Variants in PAICS observed in about 807,000 individuals in gnomAD.
The protein encoded by PAICS is phosphoribosylaminoimidazole carboxylase and phosphoribosylaminoimidazolesuccinocarboxamide synthase, also known as bifunctional phosphoribosylaminoimidazole carboxylase/phosphoribosylaminoimidazole succinocarboxamide synthetase.
A neutral mutation model predicts 53.7 loss-of-function variants in PAICS; 33 were observed. The ratio of observed to expected loss-of-function variants is 0.61; its 90% confidence interval spans 0.47 to 0.82. The LOEUF (loss-of-function observed/expected upper bound fraction) is 0.82, where lower values mean the gene tolerates loss of function less well. Among genes scored for constraint, PAICS ranks in the 40% least tolerant of loss-of-function variants. The pLI is 0.00. For synonymous variants in PAICS, 141 were observed against 167.2 expected (o/e 0.84, Z 1.21); for missense variants, 394 against 494.1 (o/e 0.80, Z 1.92).
At chr4:56,419,190 A>T in the PAICS span, among the ~76,000 whole-genome samples, 1 of 152,204 alleles carries the variant, frequency 6.6e-6, no homozygotes, top group South Asian at 2.1e-4. Context: ...AGAAAAAAGA[A>T]AGGAGTTAAA....
At chr4:56,444,291 CTG>C (rs1212623270) in intron 2 of PAICS, among the ~76,000 whole-genome samples, 3 of 152,072 alleles carry the variant, frequency 2.0e-5, no homozygotes, top group Non-Finnish European at 4.4e-5. Flanking sequence ...TGTGTTATAA[CTG>C]TGTTATACAA....
the PAICS span, among the ~76,000 whole-genome samples, chr4:56,427,143 G>T: frequency 6.6e-6 from 1 of 152,146 alleles, no homozygotes; most frequent in African/African-American, 2.4e-5. Flanking sequence ...GGTTATCTGG[G>T]TTGTTTCTGC....
chr4:56,456,711 T>G (rs1250352600), intron 8 of PAICS, among the ~76,000 whole-genome samples: 2 of 151,722 alleles, frequency 1.3e-5, no homozygotes, highest in Non-Finnish European at 2.9e-5. Context: ...CTGGGGTTTT[T>G]TTTTTTTTTT....
At chr4:56,419,578 T>C in the PAICS span, 1 of 642,078 alleles carries the variant, frequency 1.6e-6, no homozygotes, top group Admixed American at 6.3e-5. Context: ...CTGATGTATA[T>C]AATGCATATA....
the PAICS span, chr4:56,410,940 T>C: frequency 3.1e-6 from 3 of 972,622 alleles, no homozygotes; most frequent in African/African-American, 5.3e-5. Flanking sequence ...AAAAGTACTC[T>C]TGTTTTTCTT....
chr4:56,410,696 G>A, the PAICS span: 6 of 986,250 alleles, frequency 6.1e-6, no homozygotes, highest in African/African-American at 1.0e-4. Context: ...ACAGTGCTGG[G>A]CTAAGTACAA....
intron 8 of PAICS, among the ~76,000 whole-genome samples, chr4:56,457,010 C>A (rs1719246533): frequency 6.6e-6 from 1 of 152,096 alleles, no homozygotes; most frequent in East Asian, 1.9e-4. Flanking sequence ...CTTCAAACAA[C>A]CCCTCACATT....
the PAICS span, among the ~76,000 whole-genome samples, chr4:56,415,672 CT>C: frequency 6.6e-6 from 1 of 152,160 alleles, no homozygotes; most frequent in Non-Finnish European, 1.5e-5. Flanking sequence ...ACAGCATTTT[CT>C]AATTATCTAT....
At chr4:56,427,207 T>C in the PAICS span, among the ~76,000 whole-genome samples, 1 of 152,238 alleles carries the variant, frequency 6.6e-6, no homozygotes, top group African/African-American at 2.4e-5. Context: ...AAATATCTGC[T>C]TGAGTCCCTG....
At chr4:56,446,647 T>TA (rs1166259441) in intron 2 of PAICS, 48 bp from the exon 3 acceptor site, 1 of 1,186,548 alleles carries the variant, frequency 8.4e-7, no homozygotes, top group South Asian at 1.4e-5. Context: ...ATCTACCTTT[T>TA]TACATATCAT....
chr4:56,423,072 A>G, the PAICS span: 1 of 152,226 alleles, frequency 6.6e-6, no homozygotes, highest in Non-Finnish European at 1.5e-5. Context: ...TGCCTCTTCT[A>G]CACAAACCAA....
At chr4:56,449,821 A>AG (rs1488390888) in intron 5 of PAICS, among the ~76,000 whole-genome samples, 1 of 151,386 alleles carries the variant, frequency 6.6e-6, no homozygotes, top group East Asian at 1.9e-4. Context: ...AAAAAAAAAA[A>AG]AAAAATTAGC....
chr4:56,436,172 G>A (rs994034544), upstream of PAICS: 3 of 1,503,422 alleles, frequency 2.0e-6, no homozygotes, highest in Admixed American at 2.2e-5. Flanking sequence ...TTAGGCGGCT[G>A]TAGCGGAGCT....
chr4:56,419,929 T>G, the PAICS span: 1 of 984,300 alleles, frequency 1.0e-6, no homozygotes, highest in Non-Finnish European at 1.2e-6. Flanking sequence ...ATGAAATTTT[T>G]TACTGAGTTG....
chr4:56,416,012 G>A, the PAICS span, among the ~76,000 whole-genome samples: 5 of 151,632 alleles, frequency 3.3e-5, no homozygotes, highest in African/African-American at 9.7e-5. Context: ...GGAGGTTGCA[G>A]TGAGCCGAGA....
chr4:56,446,245 A>C (rs1457783229), intron 2 of PAICS: 1 of 610,718 alleles, frequency 1.6e-6, no homozygotes, highest in Non-Finnish European at 3.0e-6. Flanking sequence ...CATTTCCAGA[A>C]CTTTTTCATC....
chr4:56,436,123 C>A (rs1332547635), upstream of PAICS: 8 of 1,476,178 alleles, frequency 5.4e-6, no homozygotes, highest in Non-Finnish European at 2.7e-6. Flanking sequence ...TTGTTTCGTC[C>A]GATATCCGCG....
chr4:56,412,785 T>C, the PAICS span, among the ~76,000 whole-genome samples: 4 of 152,238 alleles, frequency 2.6e-5, no homozygotes, highest in Non-Finnish European at 5.9e-5. Flanking sequence ...ATGTCTCATA[T>C]GGAATATTAA....
chr4:56,428,345 T>C, the PAICS span, among the ~76,000 whole-genome samples: 1 of 152,120 alleles, frequency 6.6e-6, no homozygotes, highest in East Asian at 1.9e-4. Context: ...AGAGCATTGA[T>C]ATGGTCTGAT....
Sources: allele counts gnomAD v4.1 joint callset (sites outside exome capture counted in the v4.1 genomes callset), GRCh38; gene constraint gnomAD v4.1.1; transcripts MANE v1.5; gene names NCBI Gene and HGNC (gene_info 2026-07-23, HGNC 2026-07-21).